The following HCN1 variants were observed in gnomAD, a reference collection of about 807,000 sequenced individuals.
HCN1 encodes the protein potassium/sodium hyperpolarization-activated cyclic nucleotide-gated channel 1.
A neutral mutation model predicts 78.9 loss-of-function variants in HCN1; 13 were observed. The ratio of observed to expected loss-of-function variants is 0.16; its 90% CI spans 0.11 to 0.26. The LOEUF (loss-of-function observed/expected upper bound fraction) is 0.26, where lower values mean the gene tolerates loss of function less well. Among genes scored for constraint, HCN1 ranks in the 10% least tolerant of loss-of-function variants. The pLI, the probability that HCN1 is intolerant of heterozygous loss-of-function variation, is 1.00. For synonymous variants in HCN1, 552 were observed against 455.5 expected (o/e 1.21, Z -2.70); for missense variants, 810 against 1,154.3 (o/e 0.70, Z 4.32).
At chr5:45,598,188 A>T (rs1744546162) in intron 2 of HCN1, among the ~76,000 whole-genome samples, 1 of 152,314 alleles carries the variant, frequency 6.6e-6, no homozygotes, top group Admixed American at 6.5e-5. Flanking sequence ...ACAGCAACCA[A>T]AACAACATGG....
At chr5:45,333,371 T>C (rs1316228985) in intron 5 of HCN1, among the ~76,000 whole-genome samples, 3 of 151,814 alleles carry the variant, frequency 2.0e-5, no homozygotes, top group African/African-American at 7.2e-5. Context: ...TTGAGCTCCA[T>C]ATAAATTCTG....
intron 7 of HCN1, among the ~76,000 whole-genome samples, chr5:45,265,665 T>C (rs1173707982): frequency 1.3e-5 from 2 of 152,186 alleles, no homozygotes; most frequent in Non-Finnish European, 2.9e-5. Context: ...AGTCCTTACC[T>C]TTAATAAGAA....
chr5:45,652,863 T>C (rs957167046), intron 1 of HCN1, among the ~76,000 whole-genome samples: 1 of 152,046 alleles, frequency 6.6e-6, no homozygotes, highest in Non-Finnish European at 1.5e-5. Context: ...CAGCTCTATA[T>C]CTTCCCTAAT....
chr5:45,334,646 C>T (rs1247569452), intron 5 of HCN1, among the ~76,000 whole-genome samples: 1 of 151,968 alleles, frequency 6.6e-6, no homozygotes, highest in Non-Finnish European at 1.5e-5. Flanking sequence ...CAATGTCTCA[C>T]ACACATTAAG....
In HCN1 at chr5:45,263,405, A is replaced by C. The variant is rs1427792142; in HGVS notation, c.1784-595T>G. 3.3e-5 allele frequency among the ~76,000 whole-genome samples: 5 copies of C among 152,172 alleles called. No individual in the cohort carries two copies. In the East Asian group the frequency reaches 9.6e-4, roughly 29 times the overall value. ...AACAGGGCTGAGAAAGACCATATAC[A>C]CAAAAAAGTGATTGCACATCCTTGC... On this transcript the variant is annotated intron_variant, in intron 7 of 7. Coordinates refer to ENST00000303230, the MANE Select transcript of HCN1 (RefSeq NM_021072.4).
In HCN1 at chr5:45,629,515, T is replaced by C. The variant is rs145997601; in HGVS notation, c.849+15670A>G. ...GATAATTAAATATATGATAGTAATATAATTTACTGGTAGCCAAAGAATCCT... is the reference window on the plus strand; with the variant it reads ...GATAATTAAATATATGATAGTAATACAATTTACTGGTAGCCAAAGAATCCT... On this transcript the variant is annotated intron_variant, in intron 2 of 7. Transcript: ENST00000303230. Among the ~76,000 whole-genome samples the C allele has an allele frequency of 5.4e-4, 82 of 152,296 alleles. 1 individual carries two copies. In the East Asian group the frequency reaches 0.012, roughly 22 times the overall value.
At chr5:45,694,422 G>A (rs1330247186) in intron 1 of HCN1, among the ~76,000 whole-genome samples, 2 of 152,132 alleles carry the variant, frequency 1.3e-5, no homozygotes, top group East Asian at 1.9e-4. Context: ...TTTGTGTGGC[G>A]GGACTGTGGA....
At position 45,267,146 on chromosome 5, in the gene HCN1, A is replaced by G; in HGVS notation, c.1726T>C (p.Tyr576His). The change falls in exon 7 of 8, where the codon TAT becomes CAT. Residue 576 changes from tyrosine (Y) to histidine (H), a missense_variant. Tyr to His is a moderately conservative substitution (Grantham distance 83). Transcript: ENST00000303230. ...TCAAAGGCTCTCCTCATCATTGGAT[A>G]TTCCTCCAGGACCTCGTTGAAATTG... ...VDNFNEVLEE[Y>H]PMMRRAFETV... The G allele has an allele frequency of 6.2e-7, 1 of 1,613,986 alleles. No individual in the cohort carries two copies. Among genetic ancestry groups the G allele is most frequent in the Non-Finnish European group, 8.5e-7 (1 of 1,179,872 alleles).
intron 4 of HCN1, among the ~76,000 whole-genome samples, chr5:45,365,478 A>G (rs1168221653): frequency 6.6e-6 from 1 of 151,996 alleles, no homozygotes; most frequent in Non-Finnish European, 1.5e-5. Context: ...TATTTCACTT[A>G]GAATAATGGC....
At chr5:45,524,186 T>C (rs1392253591) in intron 2 of HCN1, among the ~76,000 whole-genome samples, 1 of 152,200 alleles carries the variant, frequency 6.6e-6, no homozygotes, top group African/African-American at 2.4e-5. Flanking sequence ...CGTGGCGTTA[T>C]TTCTGAGGGC....
chr5:45,458,628 C>G (rs920515916), intron 3 of HCN1, among the ~76,000 whole-genome samples: 25 of 152,120 alleles, frequency 1.6e-4, no homozygotes, highest in Non-Finnish European at 3.4e-4. Flanking sequence ...CTTAACTGTT[C>G]TTTATAATCT....
At chr5:45,517,338 G>T (rs1579944089) in intron 2 of HCN1, among the ~76,000 whole-genome samples, 1 of 151,606 alleles carries the variant, frequency 6.6e-6, no homozygotes, top group Non-Finnish European at 1.5e-5. Flanking sequence ...TTTTGGATGA[G>T]TTTGTTTCAT....
At chr5:45,338,858 A>C (rs1746518059) in intron 5 of HCN1, among the ~76,000 whole-genome samples, 1 of 152,156 alleles carries the variant, frequency 6.6e-6, no homozygotes, top group African/African-American at 2.4e-5. Context: ...GTGTCATTTT[A>C]GTAATAACTT....
At chr5:45,654,571 T>C (rs1303421202) in intron 1 of HCN1, among the ~76,000 whole-genome samples, 5 of 152,178 alleles carry the variant, frequency 3.3e-5, no homozygotes, top group African/African-American at 7.2e-5. Flanking sequence ...CACTCTAGTA[T>C]ACAATTCAGT....
chr5:45,477,290 C>T (rs1041573364), intron 2 of HCN1, among the ~76,000 whole-genome samples: 3 of 152,008 alleles, frequency 2.0e-5, no homozygotes, highest in Non-Finnish European at 2.9e-5. Flanking sequence ...GAGACTAACA[C>T]ATTGTTCAGT....
rs553114861 is a variant in HCN1, at chr5:45,581,809, T to C, written c.849+63376A>G. ...TCCCCATTGCTTGTTTTTGTCAAGT[T>C]TGTCAAAGATCAGATAGTTGTAGAT... On this transcript the variant is annotated intron_variant, in intron 2 of 7. Coordinates refer to ENST00000303230, the MANE Select transcript of HCN1 (RefSeq NM_021072.4). Among the ~76,000 whole-genome samples, 133 of 152,336 alleles carry C rather than the reference T, an allele frequency of 8.7e-4. 1 individual carries two copies. The highest frequency in any genetic ancestry group is 2.8e-3 in the African/African-American group (117 of 41,582).
intron 3 of HCN1, 76 bp from the exon 4 acceptor site, chr5:45,396,786 A>T (rs1739696702): frequency 1.9e-6 from 2 of 1,071,406 alleles, no homozygotes; most frequent in South Asian, 2.5e-5. Flanking sequence ...ACCTGTACAC[A>T]GAAGCATTAT....
At chr5:45,510,389 T>C (rs1312021633) in intron 2 of HCN1, among the ~76,000 whole-genome samples, 1 of 152,076 alleles carries the variant, frequency 6.6e-6, no homozygotes, top group African/African-American at 2.4e-5. Flanking sequence ...GACTAGAGTA[T>C]CGACTCAATA....
intron 5 of HCN1, among the ~76,000 whole-genome samples, chr5:45,343,887 G>A (rs1430066664): frequency 6.6e-6 from 1 of 151,882 alleles, no homozygotes; most frequent in African/African-American, 2.4e-5. Flanking sequence ...TATTGGGAGA[G>A]ATTCAGGAAC....
Sources: gnomAD v4.1 joint callset for allele counts (sites outside exome capture counted in the v4.1 genomes callset) on GRCh38, gnomAD v4.1.1 for gene constraint, MANE v1.5 for transcripts, NCBI Gene and HGNC (gene_info 2026-07-23, HGNC 2026-07-21) for gene names.